RIN2: variants seen among roughly 807,000 people sequenced by gnomAD.
RIN2 encodes the protein RAB5 interacting protein 2.
RIN2 carries 36 observed loss-of-function variants against 78.0 expected under a neutral mutation model. The observed-to-expected ratio is 0.46, with a 90% CI of 0.35 to 0.61. The LOEUF (loss-of-function observed/expected upper bound fraction) is 0.61, where lower values mean the gene tolerates loss of function less well. Among genes scored for constraint, RIN2 ranks in the 20% least tolerant of loss-of-function variants. The pLI is 0.00. For missense variants in RIN2, 1,087 were observed against 1,159.7 expected, an observed-to-expected ratio of 0.94 and a Z score of 0.91; for synonymous variants, 466 against 466.8, an observed-to-expected ratio of 1.00 and a Z score of 0.02.
chr20:19,957,665 A>T (rs1380383924), intron 5 of RIN2, among the ~76,000 whole-genome samples: 1 of 149,424 alleles, frequency 6.7e-6, no homozygotes, highest in Non-Finnish European at 1.5e-5. Flanking sequence ...CGACAGAGCA[A>T]GAATCTGTCC....
intron 11 of RIN2, among the ~76,000 whole-genome samples, chr20:19,995,166 T>C (rs552714293): frequency 1.3e-5 from 2 of 151,622 alleles, no homozygotes; most frequent in South Asian, 2.1e-4. Flanking sequence ...AGCTAAATAC[T>C]TTGGCCCTAA....
intron 10 of RIN2, among the ~76,000 whole-genome samples, chr20:19,991,898 A>G (rs2042807626): frequency 2.0e-5 from 3 of 152,198 alleles, no homozygotes. Flanking sequence ...CTATCACATA[A>G]TTTTATACAA....
At chr20:19,964,153 C>G (rs1459897386) in intron 6 of RIN2, among the ~76,000 whole-genome samples, 1 of 151,912 alleles carries the variant, frequency 6.6e-6, no homozygotes, top group Non-Finnish European at 1.5e-5. Flanking sequence ...CGTGAGCCAC[C>G]ATGGCCGGCT....
intron 2 of RIN2, chr20:19,871,976 T>G (rs1396771788): frequency 6.6e-6 from 1 of 152,110 alleles, no homozygotes; most frequent in East Asian, 1.9e-4. Flanking sequence ...GTGGGTGATA[T>G]GGTTAGGCTT....
At chr20:19,869,081 C>CA (rs11413677) in intron 2 of RIN2, among the ~76,000 whole-genome samples, 15,394 of 76,136 alleles carry the variant, frequency 0.2, 2,172 homozygotes, top group African/African-American at 0.29. Context: ...GACTCCGTCT[C>CA]AAAAAAAAAA....
chr20:19,927,172 A>G (rs2040258730), intron 3 of RIN2, among the ~76,000 whole-genome samples: 1 of 152,238 alleles, frequency 6.6e-6, no homozygotes, highest in South Asian at 2.1e-4. Flanking sequence ...GGGGAGGTAC[A>G]TGAATCCATT....
chr20:19,820,084 T>C (rs544156977), intron 2 of RIN2, among the ~76,000 whole-genome samples: 2 of 152,298 alleles, frequency 1.3e-5, no homozygotes, highest in South Asian at 2.1e-4. Context: ...TTTAAAAGGC[T>C]CAAACAGACA....
Position 19,999,278 on chromosome 20 carries a change from T to TA in RIN2, c.2365-1326dup, listed in dbSNP as rs200619405. On this transcript the variant is annotated intron_variant, in intron 12 of 12. Coordinates refer to ENST00000255006, the MANE Select transcript of RIN2 (RefSeq NM_018993.4). ...CAGGGATTATGTAGACCCTGTCTCT[T>TA]AAAAAAAAAGGTTCAAAGAGTGTCA... Among the ~76,000 whole-genome samples the TA allele has an allele frequency of 7.8e-3, 1,179 of 150,882 alleles. 16 individuals are homozygous for TA. Among genetic ancestry groups the TA allele is most frequent in the African/African-American group, 0.021 (877 of 41,128 alleles).
chr20:19,872,461 G>A (rs1387695010), intron 2 of RIN2, among the ~76,000 whole-genome samples: 1 of 152,134 alleles, frequency 6.6e-6, no homozygotes. Context: ...ATGTGCGATT[G>A]TACCTCGCTC....
At chr20:19,959,852 C>T (rs1237709897) in intron 5 of RIN2, among the ~76,000 whole-genome samples, 2 of 152,144 alleles carry the variant, frequency 1.3e-5, no homozygotes, top group Non-Finnish European at 1.5e-5. Flanking sequence ...AATGGTGCCT[C>T]CTGGAGTTGT....
intron 2 of RIN2, among the ~76,000 whole-genome samples, chr20:19,859,787 TA>T (rs1600641040): frequency 1.3e-5 from 2 of 152,314 alleles, no homozygotes; most frequent in East Asian, 3.9e-4. Flanking sequence ...ATCTTTTCCA[TA>T]AATCTTTCCC....
At chr20:19,763,277 A>G (rs1238561313) in intron 1 of RIN2, among the ~76,000 whole-genome samples, 2 of 152,108 alleles carry the variant, frequency 1.3e-5, no homozygotes, top group African/African-American at 4.8e-5. Context: ...AGTCCTCGCT[A>G]CTTCAGAGGC....
At chr20:19,777,575 G>C (rs1213630359) in intron 1 of RIN2, among the ~76,000 whole-genome samples, 1 of 152,214 alleles carries the variant, frequency 6.6e-6, no homozygotes, top group African/African-American at 2.4e-5. Flanking sequence ...CATTTAAAAC[G>C]AATTCTTCAA....
intron 4 of RIN2, among the ~76,000 whole-genome samples, chr20:19,939,535 G>A (rs1384202535): frequency 6.6e-6 from 1 of 152,100 alleles, no homozygotes; most frequent in Admixed American, 6.5e-5. Flanking sequence ...TGATAATTTT[G>A]CATCTAAAAC....
chr20:19,859,250 G>A (rs939350182), intron 2 of RIN2, among the ~76,000 whole-genome samples: 15 of 152,196 alleles, frequency 9.9e-5, no homozygotes, highest in Non-Finnish European at 7.3e-5. Context: ...CTGCAGAGAC[G>A]CCCCTGGGCG....
At chr20:19,929,698 G>A (rs2040366868) in intron 3 of RIN2, among the ~76,000 whole-genome samples, 1 of 152,150 alleles carries the variant, frequency 6.6e-6, no homozygotes, top group South Asian at 2.1e-4. Context: ...TCATGGGAAA[G>A]CTGACATTAA....
At chr20:20,000,417 T>C (rs1051194657) in intron 12 of RIN2, among the ~76,000 whole-genome samples, 196 bp from the exon 13 acceptor site, 4 of 152,200 alleles carry the variant, frequency 2.6e-5, no homozygotes, top group Non-Finnish European at 5.9e-5. Flanking sequence ...CAATGAATCA[T>C]GTAGTCATCT....
chr20:19,990,364 C>A, intron 10 of RIN2, 53 bp downstream of exon 10: 1 of 1,528,502 alleles, frequency 6.5e-7, no homozygotes, highest in Non-Finnish European at 8.9e-7. Context: ...GGGCCGGGGA[C>A]AGGCCTCTCT....
Position 19,993,545 on chromosome 20 carries a change from G to C in RIN2, c.2200+1246G>C, listed in dbSNP as rs114924710. ...GTAGTGCTGACTCAGGATGGGGGATGAATATCTCTCCTCCCGTACCCGATC... is the reference window on the plus strand; with the variant it reads ...GTAGTGCTGACTCAGGATGGGGGATCAATATCTCTCCTCCCGTACCCGATC... On this transcript the variant is annotated intron_variant, in intron 11 of 12. Transcript: ENST00000255006. Among the ~76,000 whole-genome samples the C allele has an allele frequency of 2.5e-3, 374 of 152,226 alleles. 1 individual carries two copies. Among genetic ancestry groups the C allele is most frequent in the African/African-American group, 8.3e-3 (346 of 41,540 alleles).
Sources: gnomAD v4.1 joint callset for allele counts (sites outside exome capture counted in the v4.1 genomes callset) on GRCh38, gnomAD v4.1.1 for gene constraint, MANE v1.5 for transcripts, NCBI Gene and HGNC (gene_info 2026-07-23, HGNC 2026-07-21) for gene names.